MME: variants seen among roughly 807,000 people sequenced by gnomAD.
The protein encoded by MME is neprilysin.
MME carries 98 observed loss-of-function variants against 113.2 expected under a neutral mutation model. That is an observed-to-expected ratio of 0.87 (90% CI 0.74 to 1.02). The LOEUF is 1.02. Among genes scored for constraint, MME ranks in the 50% least tolerant of loss-of-function variants. The probability of loss-of-function intolerance (pLI) is 0.00; values close to 1 mark genes in which losing one functional copy is unlikely to be tolerated. For missense variants in MME, 836 were observed against 896.0 expected (o/e 0.93, Z 0.86); for synonymous variants, 292 against 300.6 (o/e 0.97, Z 0.30).
chr3:155,030,146 A>G (rs73010271), intron 1 of MME, among the ~76,000 whole-genome samples: 4 of 152,318 alleles, frequency 2.6e-5, no homozygotes, highest in Non-Finnish European at 4.4e-5. Context: ...GGGAATAGGT[A>G]AAGATTCAAT....
At chr3:155,054,188 A>T (rs1453668917) in intron 1 of MME, among the ~76,000 whole-genome samples, 2 of 152,140 alleles carry the variant, frequency 1.3e-5, no homozygotes, top group Non-Finnish European at 2.9e-5. Context: ...ATTTTCCTAT[A>T]TGATGGATTT....
chr3:155,040,503 C>T (rs1412136726), intron 1 of MME, among the ~76,000 whole-genome samples: 3 of 151,558 alleles, frequency 2.0e-5, no homozygotes, highest in African/African-American at 2.4e-5. Flanking sequence ...ATAAAATACA[C>T]AAACATATGT....
chr3:155,037,617 G>A (rs1713169087), intron 1 of MME, among the ~76,000 whole-genome samples: 1 of 152,180 alleles, frequency 6.6e-6, no homozygotes, highest in Admixed American at 6.6e-5. Context: ...GAAAGATGAG[G>A]AAGAACTAAG....
At chr3:155,106,272 A>G (rs921371492) in intron 3 of MME, among the ~76,000 whole-genome samples, 5 of 152,222 alleles carry the variant, frequency 3.3e-5, no homozygotes, top group South Asian at 2.1e-4. Flanking sequence ...GCTTTCTTGG[A>G]ACGTAACCAG....
In MME at chr3:155,148,427, GT is replaced by G. The variant is rs1215226835; in HGVS notation, c.1498-117del. 4 of 680,984 alleles carry G rather than the reference GT, an allele frequency of 5.9e-6. No individual in the cohort carries two copies. The African/African-American group carries it at 7.3e-5, about 12-fold the overall frequency. The allele number at this position is 680,984 out of a possible 1,614,324, so 42.2% of individuals were successfully genotyped here. On this transcript the variant is annotated intron_variant, in intron 15 of 22. Coordinates refer to ENST00000360490, the MANE Select transcript of MME (RefSeq NM_007289.4). Reference sequence around the variant, plus strand: ...CTGGAACTACATCCTTTTTTGGTAAGTTTTTTAATGCTCTCTTTTAACTTTA... The same window carrying G: ...CTGGAACTACATCCTTTTTTGGTAAGTTTTTAATGCTCTCTTTTAACTTTA...
At chr3:155,171,986 C>T in intron 20 of MME, 131 bp from the exon 21 acceptor site, 5 of 636,096 alleles carry the variant, frequency 7.9e-6, no homozygotes, top group Non-Finnish European at 1.4e-5. Context: ...TGTAGGTTAC[C>T]ATAACTAAAT....
chr3:155,118,831 T>C lies in MME; in HGVS notation c.720+20T>C, dbSNP rs201507703. On this transcript the variant is annotated intron_variant, in intron 8 of 22. Coordinates refer to ENST00000360490, the MANE Select transcript of MME (RefSeq NM_007289.4). The stretch of plus-strand genomic sequence containing the variant: ...AAAGAGGTAAAAAGAAAAAAAATAA[T>C]CAAAACCAAACTACAAAATGATCTG... 1 of 1,466,520 alleles carries C rather than the reference T, an allele frequency of 6.8e-7. No individual in the cohort carries two copies. Among genetic ancestry groups the C allele is most frequent in the Non-Finnish European group, 9.5e-7 (1 of 1,055,302 alleles). The allele number at this position is 1,466,520 out of a possible 1,614,324, so 90.8% of individuals were successfully genotyped here.
At chr3:155,047,729 T>G (rs957857025) in intron 1 of MME, among the ~76,000 whole-genome samples, 4 of 152,178 alleles carry the variant, frequency 2.6e-5, no homozygotes, top group Non-Finnish European at 5.9e-5. Flanking sequence ...TTCTTGGTTC[T>G]CTGTATGTAG....
At chr3:155,172,753 G>T (rs1208951610) in intron 22 of MME, 141 bp downstream of exon 22, 9 of 688,192 alleles carry the variant, frequency 1.3e-5, no homozygotes, top group Non-Finnish European at 2.6e-6. Flanking sequence ...TCAAAGGTAG[G>T]ATCGAGAGAA....
chr3:155,047,114 C>T (rs1193037240), intron 1 of MME, among the ~76,000 whole-genome samples: 1 of 152,182 alleles, frequency 6.6e-6, no homozygotes, highest in African/African-American at 2.4e-5. Flanking sequence ...CACTGACTCA[C>T]CTAGAGAAAT....
chr3:155,121,487 C>A (rs1258210104), intron 8 of MME, among the ~76,000 whole-genome samples: 1 of 147,992 alleles, frequency 6.8e-6, no homozygotes, highest in Non-Finnish European at 1.5e-5. Flanking sequence ...ACATCCCTGT[C>A]TTGTGCCAGT....
At chr3:155,049,881 T>A (rs1481218365) in intron 1 of MME, among the ~76,000 whole-genome samples, 1 of 152,150 alleles carries the variant, frequency 6.6e-6, no homozygotes, top group African/African-American at 2.4e-5. Context: ...GTTTGTTATA[T>A]ACATACACTC....
At chr3:155,134,666 T>C (rs1576628137) in intron 8 of MME, among the ~76,000 whole-genome samples, 4 of 152,268 alleles carry the variant, frequency 2.6e-5, no homozygotes, top group African/African-American at 9.6e-5. Flanking sequence ...TAATGAGATT[T>C]CTGGGTCAAA....
rs77444465 is a variant in MME, at chr3:155,110,184, C to G, written c.197-4810C>G. The stretch of plus-strand genomic sequence containing the variant: ...AAAAGGACTGGAAAGGAGGGCCCTG[C>G]AAGGTGCTGCTTCTCACGTGCTCCC... On this transcript the variant is annotated intron_variant, in intron 3 of 22. Transcript: ENST00000360490. Among the ~76,000 whole-genome samples the G allele has an allele frequency of 9.6e-3, 1,459 of 152,346 alleles. 20 individuals are homozygous for G. Among genetic ancestry groups the G allele is most frequent in the Admixed American group, 0.015 (233 of 15,304 alleles).
intron 3 of MME, among the ~76,000 whole-genome samples, chr3:155,093,524 G>A (rs1192511429): frequency 6.6e-6 from 1 of 152,124 alleles, no homozygotes; most frequent in Non-Finnish European, 1.5e-5. Context: ...TTTCACACAG[G>A]TGCTGCGAGA....
At chr3:155,102,680 A>G (rs1190150608) in intron 3 of MME, among the ~76,000 whole-genome samples, 1 of 152,178 alleles carries the variant, frequency 6.6e-6, no homozygotes. Flanking sequence ...TGAGATGCCC[A>G]TGATGAGGGC....
chr3:155,130,377 C>T (rs538057193), intron 8 of MME, among the ~76,000 whole-genome samples: 1 of 152,256 alleles, frequency 6.6e-6, no homozygotes, highest in East Asian at 1.9e-4. Context: ...GAAAACCACT[C>T]AGGCTAGAGT....
chr3:155,118,837 C>G (rs1490477312), intron 8 of MME, 26 bp downstream of exon 8: 1 of 1,394,134 alleles, frequency 7.2e-7, no homozygotes, highest in East Asian at 2.4e-5. Context: ...ATAATCAAAA[C>G]CAAACTACAA....
intron 1 of MME, among the ~76,000 whole-genome samples, chr3:155,039,658 C>T (rs1489835513): frequency 6.6e-6 from 1 of 151,744 alleles, no homozygotes; most frequent in African/African-American, 2.4e-5. Context: ...AATTTCACTG[C>T]AATTATGTAA....
Sources: allele counts gnomAD v4.1 joint callset (sites outside exome capture counted in the v4.1 genomes callset), GRCh38; gene constraint gnomAD v4.1.1; transcripts MANE v1.5; gene names NCBI Gene and HGNC (gene_info 2026-07-23, HGNC 2026-07-21).